SLMAP: variants seen among roughly 807,000 people sequenced by gnomAD.
The protein encoded by SLMAP is sarcolemma associated protein.
Under a neutral mutation model 128.8 loss-of-function variants are expected in SLMAP, and 44 were observed. That is an observed-to-expected ratio of 0.34 (90% CI 0.27 to 0.44). The LOEUF (loss-of-function observed/expected upper bound fraction) is 0.44. Among genes scored for constraint, SLMAP ranks in the 20% least tolerant of loss-of-function variants. SLMAP has a pLI of 1.00. For synonymous variants in SLMAP, 327 were observed against 348.8 expected (o/e 0.94, Z 0.70); for missense variants, 787 against 985.3 (o/e 0.80, Z 2.69).
At chr3:57,869,858 G>A (rs866008456) in intron 13 of SLMAP, among the ~76,000 whole-genome samples, 3 of 150,838 alleles carry the variant, frequency 2.0e-5, no homozygotes, top group African/African-American at 7.3e-5. Flanking sequence ...CATTTGAAGG[G>A]TTTAGTAACT....
chr3:57,818,920 G>A (rs1057053908), intron 2 of SLMAP, among the ~76,000 whole-genome samples: 2 of 152,156 alleles, frequency 1.3e-5, no homozygotes, highest in African/African-American at 4.8e-5. Flanking sequence ...TTAACTGGGA[G>A]CATTACTAAT....
intron 2 of SLMAP, among the ~76,000 whole-genome samples, chr3:57,805,054 A>G (rs551615718): frequency 9.9e-5 from 15 of 152,202 alleles, no homozygotes; most frequent in South Asian, 4.1e-4. Context: ...TCAAGTCATT[A>G]TGGTTTCTCT....
At chr3:57,925,334 C>CA (rs369725414) in intron 23 of SLMAP, among the ~76,000 whole-genome samples, 7 of 120,044 alleles carry the variant, frequency 5.8e-5, no homozygotes, top group Middle Eastern at 4.1e-3. Flanking sequence ...GTTTCTTTCT[C>CA]TTTTTTTTTT....
chr3:57,879,349 C>T (rs2095672676), intron 14 of SLMAP, among the ~76,000 whole-genome samples: 1 of 152,188 alleles, frequency 6.6e-6, no homozygotes, highest in Admixed American at 6.5e-5. Context: ...ACATGTCAAA[C>T]ATATTATACT....
At chr3:57,828,107 AC>A (rs2093054720) in intron 2 of SLMAP, among the ~76,000 whole-genome samples, 1 of 152,126 alleles carries the variant, frequency 6.6e-6, no homozygotes, top group African/African-American at 2.4e-5. Flanking sequence ...ACAGGCGTGC[AC>A]CACCATGCCC....
At chr3:57,874,865 A>G (rs1471655530) in intron 14 of SLMAP, among the ~76,000 whole-genome samples, 1 of 152,142 alleles carries the variant, frequency 6.6e-6, no homozygotes, top group Non-Finnish European at 1.5e-5. Flanking sequence ...GTCTCAAAAA[A>G]AAAAAAAAAG....
chr3:57,868,070 G>A (rs1312139222), intron 13 of SLMAP, among the ~76,000 whole-genome samples: 2 of 151,994 alleles, frequency 1.3e-5, no homozygotes, highest in South Asian at 2.1e-4. Flanking sequence ...AGACCAGCCC[G>A]AGCAACATAG....
chr3:57,880,372 T>C (rs985227733), intron 14 of SLMAP, among the ~76,000 whole-genome samples: 1 of 151,984 alleles, frequency 6.6e-6, no homozygotes, highest in East Asian at 1.9e-4. Flanking sequence ...CAGCTAACTT[T>C]TGTATTTTTG....
chr3:57,896,732 C>G (rs1559481989), intron 16 of SLMAP, 141 bp downstream of exon 16: 1 of 1,298,860 alleles, frequency 7.7e-7, no homozygotes. Context: ...CCTTTGAATG[C>G]TGGATATTTT....
chr3:57,828,087 A>G (rs2093052082), intron 2 of SLMAP, among the ~76,000 whole-genome samples: 1 of 152,152 alleles, frequency 6.6e-6, no homozygotes, highest in South Asian at 2.1e-4. Flanking sequence ...GCCGCCGAGT[A>G]GCTGGGATAA....
Position 57,927,313 on chromosome 3 carries a change from G to A in SLMAP, c.*24G>A. On this transcript the variant is annotated 3_prime_UTR_variant, in exon 25 of 25. Coordinates refer to ENST00000671191, the MANE Select transcript of SLMAP (RefSeq NM_001377540.1). ...CCACACAGAAACCCTGGCCCTGGAT[G>A]CCCATGTTGGCTGCCCTGGTTGCAG... is the stretch of plus-strand genomic sequence containing the variant. 1.2e-6 allele frequency: 2 copies of A among 1,606,310 alleles called. No individual in the cohort carries two copies. Among genetic ancestry groups the A allele is most frequent in the Non-Finnish European group, 8.5e-7 (1 of 1,174,824 alleles).
intron 14 of SLMAP, among the ~76,000 whole-genome samples, chr3:57,886,106 A>AT (rs112191414): frequency 0.46 from 59,888 of 129,888 alleles, 13,189 homozygotes; most frequent in East Asian, 0.56. Flanking sequence ...TAAAGATATA[A>AT]TTTTTTTTTT....
At chr3:57,813,564 G>A (rs1050474590) in intron 2 of SLMAP, among the ~76,000 whole-genome samples, 5 of 152,050 alleles carry the variant, frequency 3.3e-5, no homozygotes, top group South Asian at 2.1e-4. Context: ...GGATGGTTGC[G>A]CCTGTACTAA....
rs1026388604 is a variant in SLMAP at position 57,896,590 on chromosome 3, A to T, written c.1440A>T (p.Thr480=). 1 of 1,604,760 alleles carries T rather than the reference A, an allele frequency of 6.2e-7. No homozygotes were observed. Among genetic ancestry groups the T allele is most frequent in the African/African-American group, 1.3e-5 (1 of 74,498 alleles). ...AGGAAAAAAGCAGTGACGACACTAC[A>T]GGTGAGTTTTAACCTAATGTTTACA... is the stretch of plus-strand genomic sequence containing the variant. The part of the protein sequence containing the change: ...PSKEKSSDDT[T]DAQMDEQDLN... The change falls in exon 16 of 25, where the codon ACA becomes ACT. Residue 480 remains threonine, a splice_region_variant and synonymous_variant. Coordinates refer to ENST00000671191, the MANE Select transcript of SLMAP (RefSeq NM_001377540.1).
chr3:57,863,034 A>G (rs2095159299), intron 10 of SLMAP, among the ~76,000 whole-genome samples: 1 of 152,198 alleles, frequency 6.6e-6, no homozygotes, highest in Admixed American at 6.5e-5. Flanking sequence ...CATGATATTC[A>G]GATGTTTTAA....
At chr3:57,762,950 C>G (rs1383966458) in intron 2 of SLMAP, among the ~76,000 whole-genome samples, 2 of 152,126 alleles carry the variant, frequency 1.3e-5, no homozygotes, top group Non-Finnish European at 2.9e-5. Context: ...TCATGAACTC[C>G]TGACCTCAGG....
Position 57,849,773 on chromosome 3 carries a change from G to A in SLMAP, c.476G>A (p.Ser159Asn), listed in dbSNP as rs770910757. ...TTCTAGGTTGCTGCTAACACTCCAA[G>A]TATGTACTCTCAGGAACTATTCCAG... The part of the protein sequence containing the change: ...PVDKVAANTP[S>N]MYSQELFQLS... Residue 159 changes from serine (S) to asparagine (N), a missense_variant, in exon 6 of 25, where the codon AGT (serine) becomes AAT (asparagine). By Grantham distance (46) the Ser-to-Asn change is conservative (BLOSUM62 1). This residue lies in a region of SLMAP where 715 missense variants were observed against 843.6 expected (regional missense o/e 0.85). Transcript: ENST00000671191. The A allele has an allele frequency of 6.3e-7, 1 of 1,577,080 alleles. No homozygotes were observed. Among genetic ancestry groups the A allele is most frequent in the South Asian group, 1.1e-5 (1 of 90,284 alleles).
Position 57,757,580 on chromosome 3 carries a change from G to C in SLMAP, c.-72G>C. ...TTGGGTGGGATAGGGGCATAGGCTTGTGAAGGGCAGTCCGGATCCGGAGGA... is the reference window on the plus strand; with the variant it reads ...TTGGGTGGGATAGGGGCATAGGCTTCTGAAGGGCAGTCCGGATCCGGAGGA... On this transcript the variant is annotated 5_prime_UTR_variant, in exon 2 of 25. Transcript: ENST00000671191. 1 of 1,476,214 alleles carries C rather than the reference G, an allele frequency of 6.8e-7. No individual in the cohort carries two copies. Among genetic ancestry groups the C allele is most frequent in the African/African-American group, 1.4e-5 (1 of 71,910 alleles). The allele number at this position is 1,476,214 out of a possible 1,614,324, so 91.4% of individuals were successfully genotyped here.
At chr3:57,820,178 A>G (rs904140498) in intron 2 of SLMAP, among the ~76,000 whole-genome samples, 2 of 152,204 alleles carry the variant, frequency 1.3e-5, no homozygotes, top group Non-Finnish European at 2.9e-5. Flanking sequence ...TTGCATATTT[A>G]AAATATCACA....
Sources: gnomAD v4.1 joint callset for allele counts (sites outside exome capture counted in the v4.1 genomes callset) on GRCh38, gnomAD v4.1.1 for gene constraint, gnomAD v4.1.1 regional missense constraint, MANE v1.5 for transcripts, NCBI Gene and HGNC (gene_info 2026-07-23, HGNC 2026-07-21) for gene names.